PACRGL: variants seen among roughly 807,000 people sequenced by gnomAD.
PACRGL encodes parkin coregulated like, also known as PACRG-like protein.
Under a neutral mutation model 34.5 loss-of-function variants are expected in PACRGL, and 38 were observed. The observed-to-expected ratio is 1.10, with a 90% CI of 0.85 to 1.44. The LOEUF is 1.44. PACRGL is among the 40% of genes most tolerant of loss of function. The probability of loss-of-function intolerance (pLI) is 0.00; values close to 1 mark genes in which losing one functional copy is unlikely to be tolerated. For missense variants in PACRGL, 305 were observed against 281.4 expected (o/e 1.08, Z -0.60); for synonymous variants, 128 against 100.1 (o/e 1.28, Z -1.66).
chr4:20,752,325 C>T (rs1164080693), intron 8 of PACRGL, among the ~76,000 whole-genome samples: 1 of 152,174 alleles, frequency 6.6e-6, no homozygotes, highest in African/African-American at 2.4e-5. Context: ...TCCCAAAGTG[C>T]TGGGATTACA....
At position 20,700,528 on chromosome 4, in the gene PACRGL, C is replaced by T. The variant is rs970844253; in HGVS notation, c.-276C>T. ...GCCGACCGAGTGCCGGTCATAAGCC[C>T]CCCCCGGTGGGGGGCAGCTGGTGTG... On this transcript the variant is annotated 5_prime_UTR_variant, in exon 1 of 9. Coordinates refer to ENST00000503585, the MANE Select transcript of PACRGL (RefSeq NM_001258345.3). The T allele has an allele frequency of 6.6e-6, 1 of 152,146 alleles. No homozygotes were observed. Among genetic ancestry groups the T allele is most frequent in the South Asian group, 2.1e-4 (1 of 4,834 alleles). 9.4% of individuals were successfully genotyped at this position (152,146 alleles called of 1,614,324 possible). A position where few individuals can be genotyped will look rare whatever the true frequency, so the allele number is the denominator to read the frequency against.
At chr4:20,735,516 G>C (rs1296712390), downstream of PACRGL, among the ~76,000 whole-genome samples, 1 of 134,742 alleles carries the variant, frequency 7.4e-6, no homozygotes, top group East Asian at 2.4e-4. Context: ...AATTCATTTA[G>C]TGTTTTTTTT....
chr4:20,703,987 C>A lies in PACRGL; in HGVS notation c.-16-479C>A, dbSNP rs567437101. ...AGTGTGACAACCTCAGTTTTAGTTA[C>A]ATTCAGTTTAAGGAGCTTGTGATAC... On this transcript the variant is annotated intron_variant, in intron 1 of 8. Coordinates refer to ENST00000503585, the MANE Select transcript of PACRGL (RefSeq NM_001258345.3). Among the ~76,000 whole-genome samples the A allele has an allele frequency of 6.6e-5, 10 of 152,260 alleles. No individual in the cohort carries two copies. The East Asian group carries it at 1.4e-3, about 21-fold the overall frequency.
upstream of PACRGL, among the ~76,000 whole-genome samples, chr4:20,697,544 G>A (rs890540755): frequency 2.0e-5 from 3 of 152,176 alleles, no homozygotes; most frequent in African/African-American, 4.8e-5. Flanking sequence ...AAGGTACAGG[G>A]TACCACACAG....
Position 20,704,533 on chromosome 4 carries a change from G to T in PACRGL, c.52G>T (p.Gly18Cys). 2 of 1,613,804 alleles carry T rather than the reference G, an allele frequency of 1.2e-6. No individual in the cohort carries two copies. Among genetic ancestry groups the T allele is most frequent in the Non-Finnish European group, 1.7e-6 (2 of 1,179,910 alleles). The change falls in exon 2 of 9, where the codon GGT becomes TGT. Residue 18 changes from glycine to cysteine, a missense_variant and splice_region_variant. Gly to Cys is a radical substitution (Grantham distance 159). Coordinates refer to ENST00000503585, the MANE Select transcript of PACRGL (RefSeq NM_001258345.3). ...TACACAGTTGAAAAACAGAGCAACA[G>T]GTACAGAGCTTTTGTTTTTAAGTGA... ...GGTQLKNRATGNYDQRTSSST... is the reference protein window; with the variant it reads ...GGTQLKNRATCNYDQRTSSST...
chr4:20,717,704 G>C (rs1368540487), intron 7 of PACRGL, among the ~76,000 whole-genome samples: 1 of 152,130 alleles, frequency 6.6e-6, no homozygotes, highest in African/African-American at 2.4e-5. Flanking sequence ...TCTCTGTTTA[G>C]GTACCAGTAC....
At chr4:20,735,561 G>A (rs62410157), downstream of PACRGL, among the ~76,000 whole-genome samples, 14,951 of 125,898 alleles carry the variant, frequency 0.12, 1,041 homozygotes, top group Middle Eastern at 0.28. Flanking sequence ...ATGGAATCTC[G>A]CACTGTTGCC....
intron 4 of PACRGL, among the ~76,000 whole-genome samples, chr4:20,709,196 C>A (rs1045445555): frequency 6.6e-6 from 1 of 152,030 alleles, no homozygotes; most frequent in Non-Finnish European, 1.5e-5. Context: ...CACTTTGTAA[C>A]CCTAAATGGG....
intron 8 of PACRGL, among the ~76,000 whole-genome samples, chr4:20,742,653 A>G (rs1751412223): frequency 6.6e-6 from 1 of 152,168 alleles, no homozygotes; most frequent in Non-Finnish European, 1.5e-5. Context: ...GAAAACTGGC[A>G]CAAGACAGGG....
chr4:20,723,413 G>A (rs550031712), intron 7 of PACRGL, among the ~76,000 whole-genome samples: 35 of 151,890 alleles, frequency 2.3e-4, no homozygotes, highest in African/African-American at 7.5e-4. Flanking sequence ...ATTGGTTTTG[G>A]TTTTGGGTTT....
chr4:20,709,149 C>T (rs1485689826), intron 4 of PACRGL, among the ~76,000 whole-genome samples: 1 of 151,760 alleles, frequency 6.6e-6, no homozygotes. Context: ...CAAAAAAAAG[C>T]AGTTAAAAGA....
upstream of PACRGL, among the ~76,000 whole-genome samples, chr4:20,699,647 C>G (rs919141): frequency 1.3e-5 from 2 of 152,104 alleles, no homozygotes; most frequent in African/African-American, 4.8e-5. Context: ...TTAGTGTTAC[C>G]TAAGCAAAAA....
At chr4:20,710,377 T>G (rs539327926) in intron 5 of PACRGL, among the ~76,000 whole-genome samples, 3 of 152,348 alleles carry the variant, frequency 2.0e-5, no homozygotes. Flanking sequence ...CATTGCTATC[T>G]TCTATGAATT....
intron 8 of PACRGL, among the ~76,000 whole-genome samples, chr4:20,745,828 G>T (rs1376538085): frequency 6.6e-6 from 1 of 152,132 alleles, no homozygotes; most frequent in Non-Finnish European, 1.5e-5. Flanking sequence ...GCCAATCAAA[G>T]ACTGCTATGG....
At chr4:20,720,908 C>A (rs1189487639) in intron 7 of PACRGL, among the ~76,000 whole-genome samples, 1 of 152,140 alleles carries the variant, frequency 6.6e-6, no homozygotes, top group African/African-American at 2.4e-5. Context: ...TGGATAATAT[C>A]CTGCAGCGTG....
chr4:20,737,168 A>C (rs1407470632), downstream of PACRGL, among the ~76,000 whole-genome samples: 16 of 152,210 alleles, frequency 1.1e-4, no homozygotes, highest in Admixed American at 1.0e-3. Flanking sequence ...ATTCCAGAGA[A>C]AGCCACAAGG....
chr4:20,729,875 C>CTGAACTCAGTGGCATTATGAAAAG lies in PACRGL; in HGVS notation c.*2535_*2558dup. On this transcript the variant is annotated 3_prime_UTR_variant, in exon 9 of 9. Coordinates refer to ENST00000503585, the MANE Select transcript of PACRGL (RefSeq NM_001258345.3). ...AGTATGAAATGAGTTAGACCATCCC[C>CTGAACTCAGTGGCATTATGAAAAG]TGAACTCAGTGGCATTATGAAAAGG... is the stretch of plus-strand genomic sequence containing the variant. The CTGAACTCAGTGGCATTATGAAAAG allele has an allele frequency of 2.1e-6, 1 of 476,280 alleles. No individual in the cohort carries two copies. 29.5% of individuals were successfully genotyped at this position (476,280 alleles called of 1,614,324 possible).
chr4:20,756,595 GTT>G, downstream of PACRGL, among the ~76,000 whole-genome samples: 1 of 151,954 alleles, frequency 6.6e-6, no homozygotes, highest in Non-Finnish European at 1.5e-5. Flanking sequence ...GGTTGTCGCT[GTT>G]TTCTTCTCAT....
intron 3 of PACRGL, among the ~76,000 whole-genome samples, chr4:20,707,569 T>G (rs1240435163): frequency 6.6e-6 from 1 of 152,072 alleles, no homozygotes; most frequent in Non-Finnish European, 1.5e-5. Context: ...GAACTATCAT[T>G]CCATATGTGG....
Sources: allele counts gnomAD v4.1 joint callset (sites outside exome capture counted in the v4.1 genomes callset), GRCh38; gene constraint gnomAD v4.1.1; transcripts MANE v1.5; gene names NCBI Gene and HGNC (gene_info 2026-07-23, HGNC 2026-07-21).